HNMT: variants seen among roughly 807,000 people sequenced by gnomAD.
HNMT encodes the protein histamine N-methyltransferase.
In HNMT, 30 loss-of-function variants were observed where a neutral mutation model predicts 32.1. That is an observed-to-expected ratio of 0.93 (90% CI 0.70 to 1.27). HNMT has a LOEUF of 1.27. Among genes scored for constraint, HNMT ranks in the 50% most tolerant of loss-of-function variants. The pLI is 0.00. For synonymous variants in HNMT, 125 were observed against 119.0 expected, an observed-to-expected ratio of 1.05 and a Z score of -0.33; for missense variants, 327 against 346.0, an observed-to-expected ratio of 0.95 and a Z score of 0.43.
intron 2 of HNMT, among the ~76,000 whole-genome samples, chr2:137,970,803 C>G (rs369163864): frequency 6.6e-6 from 1 of 151,690 alleles, no homozygotes; most frequent in South Asian, 2.1e-4. Context: ...GCCTGTAGTC[C>G]CAGCTACTCG....
chr2:138,014,100 T>C lies in HNMT; in HGVS notation c.849T>C (p.Asn283=), dbSNP rs753001983. 1.1e-5 allele frequency: 18 copies of C among 1,597,652 alleles called. No individual in the cohort carries two copies. Among genetic ancestry groups the C allele is most frequent in the Non-Finnish European group, 1.5e-5 (17 of 1,169,786 alleles). The change falls in exon 6 of 6, where the codon AAT becomes AAC. Residue 283 remains asparagine (N), a synonymous_variant. Coordinates refer to ENST00000280097, the MANE Select transcript of HNMT (RefSeq NM_006895.3). ...AAGAGGGGAAGGTTCTTTTTAATAA[T>C]ACTCTGAGTTTCATAGTGATTGAGG... ...AKKEGKVLFN[N]TLSFIVIEA
chr2:138,000,436 A>G (rs1298462713), intron 2 of HNMT, among the ~76,000 whole-genome samples: 2 of 151,002 alleles, frequency 1.3e-5, no homozygotes, highest in Non-Finnish European at 2.9e-5. Context: ...ATTTTACCTG[A>G]CATATGCTTG....
chr2:138,002,889 G>A (rs1681218518), intron 4 of HNMT: 4 of 416,542 alleles, frequency 9.6e-6, no homozygotes, highest in African/African-American at 2.2e-5. Flanking sequence ...CGAAGGGGCA[G>A]GTTAAATGAT....
rs1305485906 is a variant in HNMT at position 138,015,375 on chromosome 2, A to ATAC, written c.*1247_*1249dup. 2.0e-5 allele frequency: 3 copies of ATAC among 152,118 alleles called. No homozygotes were observed. Among genetic ancestry groups the ATAC allele is most frequent in the Non-Finnish European group, 4.4e-5 (3 of 68,008 alleles). 9.4% of individuals were successfully genotyped at this position (152,118 alleles called of 1,614,324 possible). On this transcript the variant is annotated 3_prime_UTR_variant, in exon 6 of 6. Coordinates refer to ENST00000280097, the MANE Select transcript of HNMT (RefSeq NM_006895.3). Reference sequence around the variant, plus strand: ...GTGAGGAAGCCTTCAACCCCGTGTGATACTCACTCTTTCATGCAATAGGGC... The same window carrying ATAC: ...GTGAGGAAGCCTTCAACCCCGTGTGATACTACTCACTCTTTCATGCAATAGGGC...
intron 2 of HNMT, among the ~76,000 whole-genome samples, chr2:137,987,567 C>T (rs1435044835): frequency 6.9e-6 from 1 of 144,070 alleles, no homozygotes; most frequent in Non-Finnish European, 1.5e-5. Context: ...GTGGGTCCTG[C>T]TCTGAAGGAT....
intron 2 of HNMT, chr2:137,988,794 G>C (rs1680730145): frequency 1.3e-5 from 2 of 152,318 alleles, no homozygotes; most frequent in African/African-American, 4.8e-5. Flanking sequence ...AGAATCGCTT[G>C]AACCTGGGAG....
intron 2 of HNMT, among the ~76,000 whole-genome samples, chr2:137,978,824 A>T (rs1036860759): frequency 1.4e-5 from 2 of 139,650 alleles, no homozygotes; most frequent in Non-Finnish European, 3.0e-5. Context: ...ATAATACTTT[A>T]TAATTATGTA....
Position 138,013,925 on chromosome 2 carries a change from A to T in HNMT, c.674A>T (p.Asp225Val), listed in dbSNP as rs1681586334. The change falls in exon 6 of 6, where the codon GAT (aspartate) becomes GTT (valine). Residue 225 changes from aspartate to valine, a missense_variant. By Grantham distance (152) the Asp-to-Val change is radical (BLOSUM62 -3). Transcript: ENST00000280097. ...TGCTATGACCTTTTGTCCACCATGG[A>T]TATATCTGACTGCTTTATTGATGGT... ...YECYDLLSTMDISDCFIDGNE... is the reference protein window; with the variant it reads ...YECYDLLSTMVISDCFIDGNE... The T allele has an allele frequency of 1.2e-6, 2 of 1,613,794 alleles. No homozygotes were observed. The highest frequency in any genetic ancestry group is 1.7e-6 in the Non-Finnish European group (2 of 1,179,834).
At chr2:137,996,804 G>A (rs2889175) in intron 2 of HNMT, among the ~76,000 whole-genome samples, 21,714 of 152,130 alleles carry the variant, frequency 0.14, 1,747 homozygotes, top group South Asian at 0.2. Context: ...AAACAGCATG[G>A]TACTGGTACC....
At chr2:138,002,388 A>G (rs1203569197) in intron 4 of HNMT, 194 bp downstream of exon 4, 5 of 1,010,904 alleles carry the variant, frequency 4.9e-6, no homozygotes, top group Non-Finnish European at 6.2e-6. Flanking sequence ...CATTCCAAAA[A>G]CCAGTTTTCT....
intron 2 of HNMT, among the ~76,000 whole-genome samples, chr2:137,984,030 G>A (rs13419635): frequency 6.6e-6 from 1 of 152,070 alleles, no homozygotes; most frequent in Admixed American, 6.5e-5. Context: ...GAAGATTACC[G>A]TATTGCTAAG....
chr2:137,994,078 A>G (rs764047829), intron 2 of HNMT, among the ~76,000 whole-genome samples: 3 of 152,250 alleles, frequency 2.0e-5, no homozygotes, highest in African/African-American at 4.8e-5. Context: ...ATCAAAATAT[A>G]AAGACCAATG....
chr2:138,011,130 G>T lies in HNMT; in HGVS notation c.524-2645G>T, dbSNP rs1209188147. Reference sequence around the variant, plus strand: ...GGGAAGTGCATAATTGCTCAGCTCAGAAATGGCACCGAGTCACAGCACTGA... The same window carrying T: ...GGGAAGTGCATAATTGCTCAGCTCATAAATGGCACCGAGTCACAGCACTGA... On this transcript the variant is annotated intron_variant, in intron 5 of 5. Transcript: ENST00000280097. Among the ~76,000 whole-genome samples the T allele has an allele frequency of 2.6e-5, 4 of 151,386 alleles. No individual in the cohort carries two copies. In the East Asian group the frequency reaches 7.8e-4, roughly 30 times the overall value.
intron 2 of HNMT, among the ~76,000 whole-genome samples, chr2:137,989,164 T>G (rs1334747892): frequency 6.6e-6 from 1 of 152,210 alleles, no homozygotes; most frequent in Non-Finnish European, 1.5e-5. Flanking sequence ...TATAAAGACA[T>G]GTATCCACCA....
chr2:137,993,670 C>G (rs1389170293), intron 2 of HNMT, among the ~76,000 whole-genome samples: 1 of 152,122 alleles, frequency 6.6e-6, no homozygotes, highest in East Asian at 1.9e-4. Flanking sequence ...TGAGGAAAAA[C>G]AGAGAACATC....
chr2:137,981,876 CAG>C (rs1406685734), intron 2 of HNMT, among the ~76,000 whole-genome samples: 5 of 152,052 alleles, frequency 3.3e-5, no homozygotes, highest in South Asian at 4.1e-4. Flanking sequence ...TATTTTGAAA[CAG>C]AGTCTTTCTC....
chr2:137,972,463 A>T (rs2104929105), intron 2 of HNMT, among the ~76,000 whole-genome samples: 1 of 152,316 alleles, frequency 6.6e-6, no homozygotes, highest in East Asian at 1.9e-4. Context: ...ACACTGTGAT[A>T]TAGTGTAATA....
At chr2:138,007,349 T>A (rs1455163) in intron 5 of HNMT, among the ~76,000 whole-genome samples, 47,677 of 151,676 alleles carry the variant, frequency 0.31, 8,982 homozygotes, top group African/African-American at 0.52. Context: ...TAATTTTTTT[T>A]AAAACCTACT....
At position 138,014,089 on chromosome 2, in the gene HNMT, C is replaced by A; in HGVS notation, c.838C>A (p.Leu280Ile). The A allele has an allele frequency of 6.2e-7, 1 of 1,605,188 alleles. No homozygotes were observed. Among genetic ancestry groups the A allele is most frequent in the Non-Finnish European group, 8.5e-7 (1 of 1,174,474 alleles). Residue 280 changes from leucine to isoleucine, a missense_variant, in exon 6 of 6, where the codon CTT becomes ATT. Leu to Ile is a conservative substitution (Grantham distance 5). Coordinates refer to ENST00000280097, the MANE Select transcript of HNMT (RefSeq NM_006895.3). ...TAGTGCTAAGAAAGAGGGGAAGGTTCTTTTTAATAATACTCTGAGTTTCAT... is the reference window on the plus strand; with the variant it reads ...TAGTGCTAAGAAAGAGGGGAAGGTTATTTTTAATAATACTCTGAGTTTCAT... ...EFSAKKEGKV[L>I]FNNTLSFIVI...
Sources: gnomAD v4.1 joint callset for allele counts (sites outside exome capture counted in the v4.1 genomes callset) on GRCh38, gnomAD v4.1.1 for gene constraint, MANE v1.5 for transcripts, NCBI Gene and HGNC (gene_info 2026-07-23, HGNC 2026-07-21) for gene names.